TRPC6: variants seen among roughly 807,000 people sequenced by gnomAD.
The protein encoded by TRPC6 is short transient receptor potential channel 6.
A neutral mutation model predicts 90.7 loss-of-function variants in TRPC6; 55 were observed. That is an observed-to-expected ratio of 0.61 (90% CI 0.49 to 0.76). The LOEUF is 0.76. Ranked by LOEUF, TRPC6 falls within the 30% of genes least tolerant of loss-of-function variation. The pLI, the probability that TRPC6 is intolerant of heterozygous loss-of-function variation, is 0.00. For synonymous variants in TRPC6, 393 were observed against 393.0 expected (o/e 1.00, Z 0.00); for missense variants, 989 against 1,122.7 (o/e 0.88, Z 1.70).
intron 6 of TRPC6, among the ~76,000 whole-genome samples, chr11:101,475,851 T>TAC (rs757348307): frequency 9.2e-5 from 12 of 129,892 alleles, no homozygotes; most frequent in Middle Eastern, 7.9e-3. Flanking sequence ...CACATATATA[T>TAC]ACACACACAC....
intron 1 of TRPC6, among the ~76,000 whole-genome samples, chr11:101,581,757 G>T (rs1862201131): frequency 6.6e-6 from 1 of 151,922 alleles, no homozygotes; most frequent in Non-Finnish European, 1.5e-5. Context: ...ATATCACCTT[G>T]CTATTCAGAG....
At chr11:101,514,483 C>T (rs946702511) in intron 1 of TRPC6, among the ~76,000 whole-genome samples, 2 of 152,158 alleles carry the variant, frequency 1.3e-5, no homozygotes, top group African/African-American at 2.4e-5. Context: ...CAGAGAAAAT[C>T]ACAGTTGTTT....
intron 1 of TRPC6, among the ~76,000 whole-genome samples, chr11:101,518,841 T>C (rs918282799): frequency 5.3e-5 from 8 of 152,178 alleles, no homozygotes; most frequent in African/African-American, 1.9e-4. Context: ...TTATACGCAA[T>C]GGAGGACTAG....
chr11:101,542,940 T>C (rs533047053), intron 1 of TRPC6, among the ~76,000 whole-genome samples: 106 of 152,200 alleles, frequency 7.0e-4, no homozygotes, highest in African/African-American at 2.5e-3. Flanking sequence ...TGGTAAACAG[T>C]TCTTCATTAA....
rs186750873 is a variant in TRPC6 at position 101,521,290 on chromosome 11, C to T, written c.171-16492G>A. Reference sequence around the variant, plus strand: ...TTCCCAGCCACTCCAGCTCCAGCTGCGGCTGAAAGGGTCCCAGATATGTCT... The same window carrying T: ...TTCCCAGCCACTCCAGCTCCAGCTGTGGCTGAAAGGGTCCCAGATATGTCT... On this transcript the variant is annotated intron_variant, in intron 1 of 12. Coordinates refer to ENST00000344327, the MANE Select transcript of TRPC6 (RefSeq NM_004621.6). Among the ~76,000 whole-genome samples, 82 of 152,302 alleles carry T rather than the reference C, an allele frequency of 5.4e-4. No homozygotes were observed. In the East Asian group the frequency reaches 5.6e-3, roughly 10 times the overall value.
intron 1 of TRPC6, among the ~76,000 whole-genome samples, chr11:101,514,149 G>C (rs929952915): frequency 5.3e-5 from 8 of 152,006 alleles, no homozygotes. Context: ...CACCACCACC[G>C]GGATCGTAAC....
chr11:101,528,212 A>C (rs912839402), intron 1 of TRPC6, among the ~76,000 whole-genome samples: 14 of 152,222 alleles, frequency 9.2e-5, no homozygotes, highest in Admixed American at 2.6e-4. Context: ...GTAATAGGAA[A>C]GGTAAAAGTC....
rs539638319 is a variant in TRPC6 at position 101,497,418 on chromosome 11, C to T, written c.946-5680G>A. ...AACGAAAAGTACTTTTCAAAGCAGC[C>T]ATTTTCTTGGAGGATAGTTATCTTT... On this transcript the variant is annotated intron_variant, in intron 2 of 12. Transcript: ENST00000344327. Among the ~76,000 whole-genome samples, 6 of 152,282 alleles carry T rather than the reference C, an allele frequency of 3.9e-5. No individual in the cohort carries two copies. The South Asian group carries it at 8.3e-4, about 21-fold the overall frequency.
chr11:101,474,471 CAT>C (rs1859367686), intron 6 of TRPC6, among the ~76,000 whole-genome samples: 1 of 151,992 alleles, frequency 6.6e-6, no homozygotes, highest in East Asian at 1.9e-4. Flanking sequence ...AGGGGAAAAA[CAT>C]AATTACAAAT....
chr11:101,574,903 G>GT (rs1339440945), intron 1 of TRPC6, among the ~76,000 whole-genome samples: 1 of 151,840 alleles, frequency 6.6e-6, no homozygotes, highest in East Asian at 1.9e-4. Context: ...TAGTTTTTTT[G>GT]TTTTTTCTTT....
chr11:101,528,072 CA>C, intron 1 of TRPC6, among the ~76,000 whole-genome samples: 1 of 151,522 alleles, frequency 6.6e-6, no homozygotes, highest in East Asian at 1.9e-4. Flanking sequence ...GACTCCATCT[CA>C]AAAAAATATA....
chr11:101,555,486 A>G (rs1861543226), intron 1 of TRPC6, among the ~76,000 whole-genome samples: 1 of 152,208 alleles, frequency 6.6e-6, no homozygotes, highest in Admixed American at 6.5e-5. Flanking sequence ...GCTCATAGTT[A>G]TCGATGTGAG....
intron 1 of TRPC6, among the ~76,000 whole-genome samples, chr11:101,577,379 C>G (rs1214940220): frequency 6.6e-6 from 1 of 152,172 alleles, no homozygotes; most frequent in African/African-American, 2.4e-5. Context: ...TGCTGCTGGA[C>G]TGTCATGTTC....
At chr11:101,516,100 G>A (rs1463451171) in intron 1 of TRPC6, among the ~76,000 whole-genome samples, 4 of 125,982 alleles carry the variant, frequency 3.2e-5, no homozygotes, top group Non-Finnish European at 6.7e-5. Context: ...CTTTTAAAAT[G>A]CAGCTGGGAA....
intron 2 of TRPC6, among the ~76,000 whole-genome samples, chr11:101,503,468 G>T (rs1860178404): frequency 6.6e-6 from 1 of 152,074 alleles, no homozygotes; most frequent in Non-Finnish European, 1.5e-5. Context: ...TGTTTTCTCT[G>T]AACTTCTACA....
intron 9 of TRPC6, among the ~76,000 whole-genome samples, chr11:101,470,800 T>C (rs897467716): frequency 1.6e-4 from 15 of 91,570 alleles, no homozygotes; most frequent in Admixed American, 1.2e-3. Flanking sequence ...GTTAATCAAG[T>C]TGCCCCGCCC....
intron 6 of TRPC6, among the ~76,000 whole-genome samples, chr11:101,474,921 C>T (rs1169327620): frequency 1.3e-5 from 2 of 152,166 alleles, no homozygotes. Context: ...GCATTACCTT[C>T]TCTCTCTTGG....
intron 1 of TRPC6, among the ~76,000 whole-genome samples, chr11:101,568,474 C>G (rs1478234228): frequency 6.6e-6 from 1 of 152,136 alleles, no homozygotes; most frequent in Non-Finnish European, 1.5e-5. Context: ...CCCAACCTAG[C>G]AAGGCAGGCC....
intron 1 of TRPC6, among the ~76,000 whole-genome samples, chr11:101,560,939 A>G (rs759050852): frequency 3.3e-5 from 5 of 152,210 alleles, no homozygotes; most frequent in Non-Finnish European, 7.3e-5. Context: ...TACCCACAAT[A>G]GGGTCTCAGA....
Sources: gnomAD v4.1 joint callset for allele counts (sites outside exome capture counted in the v4.1 genomes callset) on GRCh38, gnomAD v4.1.1 for gene constraint, MANE v1.5 for transcripts, NCBI Gene and HGNC (gene_info 2026-07-23, HGNC 2026-07-21) for gene names.